The following BST1 variants were observed in gnomAD, a reference collection of about 807,000 sequenced individuals.
The protein encoded by BST1 is ADP-ribosyl cyclase/cyclic ADP-ribose hydrolase 2.
A neutral mutation model predicts 40.6 loss-of-function variants in BST1; 49 were observed. The ratio of observed to expected loss-of-function variants is 1.21; its 90% CI spans 0.96 to 1.53. BST1 has a LOEUF of 1.53. Ranked by LOEUF, BST1 falls within the 40% of genes most tolerant of loss-of-function variation. The pLI, the probability that BST1 is intolerant of heterozygous loss-of-function variation, is 0.00. For synonymous variants in BST1, 157 were observed against 159.3 expected, an observed-to-expected ratio of 0.99 and a Z score of 0.11; for missense variants, 423 against 395.9, an observed-to-expected ratio of 1.07 and a Z score of -0.58.
At chr4:15,755,906 G>A in the BST1 span, among the ~76,000 whole-genome samples, 64 of 152,234 alleles carry the variant, frequency 4.2e-4, no homozygotes, top group African/African-American at 1.5e-3. Flanking sequence ...AAGCTTCCAG[G>A]GAATAAAGGT....
the BST1 span, among the ~76,000 whole-genome samples, chr4:15,757,280 A>G: frequency 1.3e-5 from 2 of 152,158 alleles, no homozygotes; most frequent in African/African-American, 4.8e-5. Flanking sequence ...GTGTAGTTAA[A>G]CATAGCTTTT....
the BST1 span, among the ~76,000 whole-genome samples, chr4:15,768,542 G>A: frequency 2.0e-5 from 3 of 146,666 alleles, no homozygotes; most frequent in East Asian, 2.0e-4. Flanking sequence ...GCCGGACTGC[G>A]GACTGCAGTG....
At chr4:15,712,017 C>T in intron 4 of BST1, 128 bp downstream of exon 4, 1 of 695,214 alleles carries the variant, frequency 1.4e-6, no homozygotes, top group Non-Finnish European at 2.5e-6. Context: ...ACTTTTACCA[C>T]ATCATGATTC....
At chr4:15,755,639 G>T in the BST1 span, among the ~76,000 whole-genome samples, 4 of 152,022 alleles carry the variant, frequency 2.6e-5, no homozygotes, top group African/African-American at 9.7e-5. Context: ...ATTATTTATG[G>T]GTGAAAAGCC....
At chr4:15,728,393 T>TG (rs1721218355) in intron 8 of BST1, among the ~76,000 whole-genome samples, 1 of 152,004 alleles carries the variant, frequency 6.6e-6, no homozygotes, top group South Asian at 2.1e-4. Flanking sequence ...GAACAGCTGT[T>TG]GGATTAAACC....
the BST1 span, among the ~76,000 whole-genome samples, chr4:15,754,083 G>A: frequency 6.6e-6 from 1 of 152,302 alleles, no homozygotes; most frequent in East Asian, 1.9e-4. Context: ...CCAAGTGGGG[G>A]GGTGTGAGGC....
chr4:15,747,313 GC>G, the BST1 span, among the ~76,000 whole-genome samples: 1 of 152,122 alleles, frequency 6.6e-6, no homozygotes, highest in Non-Finnish European at 1.5e-5. Flanking sequence ...TGCCTGTCAG[GC>G]CCCTGTTTGC....
the BST1 span, among the ~76,000 whole-genome samples, chr4:15,760,725 T>C: frequency 6.6e-6 from 1 of 151,464 alleles, no homozygotes; most frequent in Non-Finnish European, 1.5e-5. Flanking sequence ...TAAGGTCTCT[T>C]TTACCCAGGC....
the BST1 span, among the ~76,000 whole-genome samples, chr4:15,767,332 T>A: frequency 6.6e-6 from 1 of 150,444 alleles, no homozygotes; most frequent in Non-Finnish European, 1.5e-5. Flanking sequence ...TGAGATGGAG[T>A]CTTGCTCTGT....
chr4:15,752,914 T>C, the BST1 span, among the ~76,000 whole-genome samples: 9 of 152,142 alleles, frequency 5.9e-5, no homozygotes, highest in Non-Finnish European at 1.3e-4. Flanking sequence ...ATAATGTAAA[T>C]AGTACATATA....
the BST1 span, among the ~76,000 whole-genome samples, chr4:15,755,177 C>A: frequency 6.6e-6 from 1 of 152,080 alleles, no homozygotes; most frequent in Non-Finnish European, 1.5e-5. Flanking sequence ...CTCACTCTGT[C>A]GCCCAGGCTG....
In BST1 at chr4:15,731,832, G is replaced by A. The variant is rs573685829; in HGVS notation, c.944G>A (p.Arg315Lys). The change falls in exon 9 of 9, where the codon AGG (arginine) becomes AAG (lysine). Residue 315 changes from arginine (R) to lysine (K), a missense_variant. By Grantham distance (26) the Arg-to-Lys change is conservative. Transcript: ENST00000265016. ...CCCCTCTTTCTGGTGCTGGCTTCCA[G>A]GACTCAACTGTAACTGGAAACTGTG... ...IIPLFLVLAS[R>K]TQL 15 of 1,612,988 alleles carry A rather than the reference G, an allele frequency of 9.3e-6. No individual in the cohort carries two copies. Among genetic ancestry groups the A allele is most frequent in the Non-Finnish European group, 1.2e-5 (14 of 1,179,538 alleles).
the BST1 span, among the ~76,000 whole-genome samples, chr4:15,767,991 A>G: frequency 5.9e-5 from 9 of 152,298 alleles, no homozygotes; most frequent in East Asian, 1.5e-3. Flanking sequence ...CCACATGGTC[A>G]CCTTGGCACA....
chr4:15,703,605 T>G (rs1577560987), intron 1 of BST1, among the ~76,000 whole-genome samples: 3 of 131,918 alleles, frequency 2.3e-5, no homozygotes, highest in South Asian at 2.6e-4. Context: ...AGGTGAGGGG[T>G]GTGTGCGTGT....
the BST1 span, among the ~76,000 whole-genome samples, chr4:15,769,387 A>G: frequency 1.3e-5 from 2 of 152,236 alleles, no homozygotes; most frequent in Non-Finnish European, 2.9e-5. Context: ...CCCTGTTGGC[A>G]TGGAGCTGCC....
chr4:15,759,712 AT>A, the BST1 span, among the ~76,000 whole-genome samples: 53,795 of 151,500 alleles, frequency 0.36, 9,980 homozygotes, highest in African/African-American at 0.42. Context: ...AGGGGGTGTC[AT>A]GGGGTACAGC....
chr4:15,705,409 T>G (rs1719824481), intron 1 of BST1, 106 bp from the exon 2 acceptor site: 1 of 1,298,112 alleles, frequency 7.7e-7, no homozygotes, highest in East Asian at 2.4e-5. Context: ...ACTTCTGCAG[T>G]TACTATATGA....
intron 2 of BST1, among the ~76,000 whole-genome samples, chr4:15,705,848 G>C (rs1307933838): frequency 6.6e-6 from 1 of 152,200 alleles, no homozygotes; most frequent in Non-Finnish European, 1.5e-5. Flanking sequence ...ATAAAGAAAT[G>C]CCTGAGACTG....
the BST1 span, among the ~76,000 whole-genome samples, chr4:15,758,523 T>C: frequency 4.1e-4 from 63 of 152,314 alleles, no homozygotes; most frequent in East Asian, 0.011. Context: ...TAAAAAAGAA[T>C]GAAATCATAT....
Sources: allele counts gnomAD v4.1 joint callset (sites outside exome capture counted in the v4.1 genomes callset), GRCh38; gene constraint gnomAD v4.1.1; transcripts MANE v1.5; gene names NCBI Gene and HGNC (gene_info 2026-07-23, HGNC 2026-07-21).